The following OPCML variants were observed in gnomAD, a reference collection of about 807,000 sequenced individuals.
OPCML encodes the protein opioid-binding protein/cell adhesion molecule.
In OPCML, 13 loss-of-function variants were observed where a neutral mutation model predicts 37.8. The ratio of observed to expected loss-of-function variants is 0.34; its 90% CI spans 0.22 to 0.55. OPCML has a LOEUF of 0.55. OPCML is among the 20% of genes least tolerant of loss of function. OPCML has a pLI of 0.91. For missense variants in OPCML, 341 were observed against 435.6 expected (o/e 0.78, Z 1.93); for synonymous variants, 176 against 168.8 (o/e 1.04, Z -0.33).
chr11:133,232,424 A>G (rs1290017342), intron 1 of OPCML, among the ~76,000 whole-genome samples: 2 of 152,168 alleles, frequency 1.3e-5, no homozygotes, highest in Non-Finnish European at 1.5e-5. Flanking sequence ...CTTTATTGTG[A>G]GGCATAAGTG....
chr11:133,272,814 C>G (rs1016650651), intron 1 of OPCML, among the ~76,000 whole-genome samples: 6 of 152,192 alleles, frequency 3.9e-5, no homozygotes, highest in African/African-American at 1.4e-4. Context: ...AAGCCTCTGA[C>G]AGAATATCCA....
At chr11:133,229,566 TTC>T (rs1940187582) in intron 1 of OPCML, among the ~76,000 whole-genome samples, 1 of 152,102 alleles carries the variant, frequency 6.6e-6, no homozygotes, top group Non-Finnish European at 1.5e-5. Flanking sequence ...ACCATGCATT[TTC>T]CCTCACCGTT....
At chr11:133,147,570 T>C (rs1949915311) in intron 1 of OPCML, among the ~76,000 whole-genome samples, 1 of 152,134 alleles carries the variant, frequency 6.6e-6, no homozygotes, top group Non-Finnish European at 1.5e-5. Context: ...TAAGAATGCT[T>C]ACCTGGGATC....
chr11:133,515,190 T>C (rs1284735327), intron 1 of OPCML, among the ~76,000 whole-genome samples: 1 of 152,172 alleles, frequency 6.6e-6, no homozygotes, highest in Non-Finnish European at 1.5e-5. Context: ...AGAGGTGCAG[T>C]CCTGTAATAC....
chr11:133,089,764 C>CG (rs1948875506), intron 1 of OPCML, among the ~76,000 whole-genome samples: 1 of 146,430 alleles, frequency 6.8e-6, no homozygotes, highest in Non-Finnish European at 1.5e-5. Context: ...CAACCAACCC[C>CG]TAAAAAAAAA....
chr11:133,204,890 A>ATATGTGTG (rs1555114238), intron 1 of OPCML, among the ~76,000 whole-genome samples: 1 of 131,980 alleles, frequency 7.6e-6, no homozygotes, highest in African/African-American at 2.8e-5. Context: ...ATATATATAT[A>ATATGTGTG]TATATATATA....
intron 1 of OPCML, among the ~76,000 whole-genome samples, chr11:132,951,488 C>G (rs1453027474): frequency 1.3e-5 from 2 of 152,196 alleles, no homozygotes; most frequent in East Asian, 3.9e-4. Flanking sequence ...CTCCTAAAAG[C>G]CCTATCTCTA....
intron 7 of OPCML, among the ~76,000 whole-genome samples, chr11:132,426,724 G>A (rs183821877): frequency 7.7e-4 from 117 of 152,280 alleles, no homozygotes; most frequent in Admixed American, 1.6e-3. Context: ...GAGCCACCAC[G>A]CCTGGCCTAA....
At chr11:132,689,324 T>C (rs1591731311) in intron 2 of OPCML, among the ~76,000 whole-genome samples, 1 of 152,310 alleles carries the variant, frequency 6.6e-6, no homozygotes, top group South Asian at 2.1e-4. Context: ...ATGACAAGTT[T>C]ATAAAGAGCA....
chr11:132,653,342 C>A (rs1941532250), intron 3 of OPCML, among the ~76,000 whole-genome samples: 1 of 152,216 alleles, frequency 6.6e-6, no homozygotes, highest in African/African-American at 2.4e-5. Flanking sequence ...GTCACCCTGG[C>A]TGCACTGCTT....
At chr11:132,565,489 C>A (rs547953913) in intron 3 of OPCML, among the ~76,000 whole-genome samples, 1 of 152,292 alleles carries the variant, frequency 6.6e-6, no homozygotes, top group East Asian at 1.9e-4. Flanking sequence ...AGTCCACTCC[C>A]AGATTCCTAC....
chr11:133,108,189 C>T (rs986214223), intron 1 of OPCML, among the ~76,000 whole-genome samples: 1 of 152,166 alleles, frequency 6.6e-6, no homozygotes, highest in African/African-American at 2.4e-5. Context: ...GGCTGGCTTA[C>T]GTTTGCTGAT....
intron 1 of OPCML, among the ~76,000 whole-genome samples, chr11:133,089,227 T>C (rs1367696953): frequency 6.6e-6 from 1 of 152,210 alleles, no homozygotes; most frequent in African/African-American, 2.4e-5. Flanking sequence ...ATACAGATAG[T>C]ATCTGGAAAT....
chr11:132,705,007 G>A (rs1007082027), intron 2 of OPCML, among the ~76,000 whole-genome samples: 15 of 152,192 alleles, frequency 9.9e-5, no homozygotes, highest in Non-Finnish European at 2.2e-4. Flanking sequence ...GTTCCATTTT[G>A]TAAATGTTGA....
intron 3 of OPCML, among the ~76,000 whole-genome samples, chr11:132,530,141 C>G (rs2096320325): frequency 1.3e-5 from 2 of 152,044 alleles, no homozygotes; most frequent in African/African-American, 4.8e-5. Context: ...AATGTTAGCT[C>G]CTAAGATGAT....
chr11:133,466,195 T>G (rs1946974747), intron 1 of OPCML, among the ~76,000 whole-genome samples: 3 of 152,144 alleles, frequency 2.0e-5, no homozygotes, highest in Admixed American at 2.0e-4. Flanking sequence ...TGTGGAAAAT[T>G]TTAAGTTTTG....
In OPCML at chr11:133,326,243, T is replaced by C. The variant is rs117141763; in HGVS notation, c.61+206021A>G. On this transcript the variant is annotated intron_variant, in intron 1 of 7. Coordinates refer to ENST00000524381, the MANE Select transcript of OPCML (RefSeq NM_001012393.5). ...AACAAGAAGAAGAGAAGATGAGGAGTGTGGGTGTGTGTATGTGGGGTGTGT... is the reference window on the plus strand; with the variant it reads ...AACAAGAAGAAGAGAAGATGAGGAGCGTGGGTGTGTGTATGTGGGGTGTGT... Among the ~76,000 whole-genome samples, 1,225 of 145,674 alleles carry C rather than the reference T, an allele frequency of 8.4e-3. 5 individuals are homozygous for C. Among genetic ancestry groups the C allele is most frequent in the Non-Finnish European group, 0.013 (895 of 66,776 alleles).
intron 3 of OPCML, among the ~76,000 whole-genome samples, chr11:132,538,650 C>T (rs1237962811): frequency 6.6e-6 from 1 of 152,156 alleles, no homozygotes; most frequent in East Asian, 1.9e-4. Flanking sequence ...AGACGACACC[C>T]CAACACATGT....
intron 2 of OPCML, among the ~76,000 whole-genome samples, chr11:132,910,493 A>G (rs1358515286): frequency 1.3e-5 from 2 of 152,174 alleles, no homozygotes; most frequent in African/African-American, 4.8e-5. Context: ...CATAGGGAGG[A>G]TGCAAATGGC....
Sources: gnomAD v4.1 joint callset for allele counts (sites outside exome capture counted in the v4.1 genomes callset) on GRCh38, gnomAD v4.1.1 for gene constraint, MANE v1.5 for transcripts, NCBI Gene and HGNC (gene_info 2026-07-23, HGNC 2026-07-21) for gene names.